The following PDE1A variants were observed in gnomAD, a reference collection of about 807,000 sequenced individuals.
The protein encoded by PDE1A is dual specificity calcium/calmodulin-dependent 3',5'-cyclic nucleotide phosphodiesterase 1A.
In PDE1A, 35 loss-of-function variants were observed where a neutral mutation model predicts 61.7. The ratio of observed to expected loss-of-function variants is 0.57; its 90% CI spans 0.43 to 0.75. The LOEUF (loss-of-function observed/expected upper bound fraction) is 0.75. Among genes scored for constraint, PDE1A ranks in the 30% least tolerant of loss-of-function variants. The pLI is 0.00. For synonymous variants in PDE1A, 232 were observed against 213.2 expected, an observed-to-expected ratio of 1.09 and a Z score of -0.77; for missense variants, 597 against 630.6, an observed-to-expected ratio of 0.95 and a Z score of 0.57.
the PDE1A span, among the ~76,000 whole-genome samples, chr2:182,682,146 C>T: frequency 2.6e-5 from 4 of 152,098 alleles, no homozygotes; most frequent in South Asian, 8.3e-4. Context: ...TTCCATATGC[C>T]TTTTACCTGA....
the PDE1A span, among the ~76,000 whole-genome samples, chr2:182,629,305 T>A: frequency 2.0e-5 from 3 of 152,194 alleles, no homozygotes; most frequent in African/African-American, 7.2e-5. Flanking sequence ...AATAAGTGTA[T>A]GTCATTTTAA....
chr2:182,574,915 C>G, the PDE1A span, among the ~76,000 whole-genome samples: 2 of 152,146 alleles, frequency 1.3e-5, no homozygotes, highest in South Asian at 4.1e-4. Context: ...TGGTCTTGAA[C>G]TCCTGACCTC....
At chr2:182,699,130 CA>C in the PDE1A span, among the ~76,000 whole-genome samples, 1 of 152,194 alleles carries the variant, frequency 6.6e-6, no homozygotes, top group Admixed American at 6.5e-5. Context: ...TATCATAACC[CA>C]AGGTAAAAAG....
At chr2:182,339,725 A>G (rs1245150481) in intron 1 of PDE1A, among the ~76,000 whole-genome samples, 1 of 152,188 alleles carries the variant, frequency 6.6e-6, no homozygotes, top group African/African-American at 2.4e-5. Flanking sequence ...CATCTATGAC[A>G]GTGGTTCCAA....
the PDE1A span, among the ~76,000 whole-genome samples, chr2:182,590,990 C>T: frequency 3.0e-4 from 46 of 152,292 alleles, no homozygotes; most frequent in Middle Eastern, 3.4e-3. Flanking sequence ...AACAATGCCT[C>T]ATACATAGAA....
chr2:182,274,768 A>C (rs1693284016), intron 1 of PDE1A, among the ~76,000 whole-genome samples: 1 of 152,016 alleles, frequency 6.6e-6, no homozygotes, highest in South Asian at 2.1e-4. Flanking sequence ...ATGACAAAAA[A>C]CTCATATTTG....
the PDE1A span, among the ~76,000 whole-genome samples, chr2:182,587,363 C>G: frequency 1.3e-5 from 2 of 152,208 alleles, no homozygotes; most frequent in Admixed American, 6.5e-5. Flanking sequence ...CCTAGAACTT[C>G]TCCAACACAG....
intron 13 of PDE1A, among the ~76,000 whole-genome samples, chr2:182,181,979 T>C (rs926436365): frequency 6.6e-6 from 1 of 152,210 alleles, no homozygotes; most frequent in African/African-American, 2.4e-5. Context: ...TACTGTTCCA[T>C]AATATGTACA....
chr2:182,263,433 C>T (rs1465731179), intron 2 of PDE1A, among the ~76,000 whole-genome samples: 1 of 152,234 alleles, frequency 6.6e-6, no homozygotes, highest in South Asian at 2.1e-4. Flanking sequence ...CTCTATGCAG[C>T]CTCTTTTTCA....
intron 10 of PDE1A, among the ~76,000 whole-genome samples, chr2:182,195,027 C>T (rs1256560269): frequency 6.6e-6 from 1 of 151,704 alleles, no homozygotes; most frequent in Non-Finnish European, 1.5e-5. Flanking sequence ...TGTTCAAAAC[C>T]AATAGAAGGA....
chr2:182,357,280 C>CA (rs549504477), intron 1 of PDE1A, among the ~76,000 whole-genome samples: 149 of 144,534 alleles, frequency 1.0e-3, no homozygotes, highest in South Asian at 1.8e-3. Context: ...GGAAGGAAAA[C>CA]AAAAAAAAAC....
chr2:182,572,875 A>AC, the PDE1A span, among the ~76,000 whole-genome samples: 8 of 151,736 alleles, frequency 5.3e-5, no homozygotes, highest in East Asian at 3.9e-4. Flanking sequence ...TCTCAAAAAA[A>AC]AAAAAAAAAA....
intron 2 of PDE1A, among the ~76,000 whole-genome samples, chr2:182,243,505 T>C (rs1574127961): frequency 6.6e-6 from 1 of 152,062 alleles, no homozygotes; most frequent in African/African-American, 2.4e-5. Flanking sequence ...GTGGCTGGAG[T>C]ATACTGACTG....
the PDE1A span, among the ~76,000 whole-genome samples, chr2:182,638,904 A>G: frequency 6.6e-6 from 1 of 152,186 alleles, no homozygotes; most frequent in Non-Finnish European, 1.5e-5. Context: ...AGGAAAGTGT[A>G]GCAAAGATAC....
intron 1 of PDE1A, among the ~76,000 whole-genome samples, chr2:182,367,360 T>G (rs997043112): frequency 6.6e-6 from 1 of 152,100 alleles, no homozygotes; most frequent in African/African-American, 2.4e-5. Flanking sequence ...ATATCCATAT[T>G]ACATGATACA....
the PDE1A span, among the ~76,000 whole-genome samples, chr2:182,647,255 C>T: frequency 1.2e-3 from 178 of 152,260 alleles, 1 homozygote; most frequent in African/African-American, 4.2e-3. Context: ...TCCATATGCT[C>T]TATTAGGGTG....
At chr2:182,638,191 C>T in the PDE1A span, among the ~76,000 whole-genome samples, 11 of 152,118 alleles carry the variant, frequency 7.2e-5, no homozygotes, top group Non-Finnish European at 1.6e-4. Flanking sequence ...AGGGATTGCT[C>T]ATGCATTTAT....
the PDE1A span, among the ~76,000 whole-genome samples, chr2:182,659,738 G>A: frequency 2.6e-5 from 4 of 152,062 alleles, no homozygotes; most frequent in Non-Finnish European, 5.9e-5. Context: ...TTACAACATC[G>A]CTGCTAAGCA....
At chr2:182,429,720 C>T (rs186838471), upstream of PDE1A, among the ~76,000 whole-genome samples, 1 of 152,092 alleles carries the variant, frequency 6.6e-6, no homozygotes, top group Non-Finnish European at 1.5e-5. Flanking sequence ...CCAAAAGTAC[C>T]CTAAGAGTGT....
Sources: allele counts gnomAD v4.1 joint callset (sites outside exome capture counted in the v4.1 genomes callset), GRCh38; gene constraint gnomAD v4.1.1; transcripts MANE v1.5; gene names NCBI Gene and HGNC (gene_info 2026-07-23, HGNC 2026-07-21).